PRKAG2: variants seen among roughly 807,000 people sequenced by gnomAD.
The protein encoded by PRKAG2 is 5'-AMP-activated protein kinase subunit gamma-2.
A neutral mutation model predicts 69.6 loss-of-function variants in PRKAG2; 26 were observed. The ratio of observed to expected loss-of-function variants is 0.37; its 90% CI spans 0.27 to 0.52. The LOEUF (loss-of-function observed/expected upper bound fraction) is 0.52. Ranked by LOEUF, PRKAG2 falls within the 20% of genes least tolerant of loss-of-function variation. The pLI is 0.90. For synonymous variants in PRKAG2, 293 were observed against 285.0 expected, an observed-to-expected ratio of 1.03 and a Z score of -0.28; for missense variants, 557 against 740.0, an observed-to-expected ratio of 0.75 and a Z score of 2.87.
At chr7:151,695,478 A>G (rs1475058570) in intron 3 of PRKAG2, among the ~76,000 whole-genome samples, 2 of 152,112 alleles carry the variant, frequency 1.3e-5, no homozygotes, top group African/African-American at 4.8e-5. Context: ...ACTTGTGCAC[A>G]CAAACTTTCT....
chr7:151,862,009 T>G (rs532301179), intron 1 of PRKAG2, among the ~76,000 whole-genome samples: 1 of 151,814 alleles, frequency 6.6e-6, no homozygotes, highest in Non-Finnish European at 1.5e-5. Context: ...GCCCGTCCCC[T>G]CAGTGGACGG....
intron 1 of PRKAG2, among the ~76,000 whole-genome samples, chr7:151,855,691 C>A (rs927925680): frequency 2.0e-5 from 3 of 151,694 alleles, no homozygotes; most frequent in Non-Finnish European, 4.4e-5. Context: ...AGAGAGGCTG[C>A]AGGCAGAGAG....
chr7:151,559,051 T>C, intron 15 of PRKAG2: 2 of 985,444 alleles, frequency 2.0e-6, no homozygotes, highest in South Asian at 4.7e-5. Flanking sequence ...GGTGCCAAGC[T>C]ATATACCTGT....
At chr7:151,670,833 A>T (rs1001570015) in intron 4 of PRKAG2, among the ~76,000 whole-genome samples, 2 of 152,192 alleles carry the variant, frequency 1.3e-5, no homozygotes, top group Non-Finnish European at 2.9e-5. Flanking sequence ...AGTTTTAGGC[A>T]CATAAGTTGC....
rs537291554 is a variant in PRKAG2, at chr7:151,676,055, C to G, written c.467-418G>C. On this transcript the variant is annotated intron_variant, in intron 3 of 15. Coordinates refer to ENST00000287878, the MANE Select transcript of PRKAG2 (RefSeq NM_016203.4). ...TTATCTGGTGAACTTTTACACACAC[C>G]CTCCAGAGGCTATTTTCCTCCATTC... Among the ~76,000 whole-genome samples, 4 of 152,062 alleles carry G rather than the reference C, an allele frequency of 2.6e-5. No individual in the cohort carries two copies. In the East Asian group the frequency reaches 7.7e-4, roughly 29 times the overall value.
chr7:151,768,615 T>C (rs10257872), intron 3 of PRKAG2, among the ~76,000 whole-genome samples: 107,242 of 152,122 alleles, frequency 0.7, 38,338 homozygotes, highest in East Asian at 0.98. Context: ...TACAGGCACA[T>C]GCCATCATAC....
chr7:151,750,916 T>C (rs891713106), intron 3 of PRKAG2, among the ~76,000 whole-genome samples: 4 of 151,668 alleles, frequency 2.6e-5, no homozygotes, highest in Admixed American at 1.3e-4. Flanking sequence ...CTAAATTACA[T>C]ATTATATGCA....
intron 3 of PRKAG2, among the ~76,000 whole-genome samples, chr7:151,713,785 A>C (rs1473958459): frequency 1.3e-5 from 2 of 152,076 alleles, no homozygotes; most frequent in African/African-American, 4.8e-5. Context: ...TATGTTGCCC[A>C]GGCTGGCCTT....
chr7:151,769,412 G>T (rs941652565), intron 3 of PRKAG2, among the ~76,000 whole-genome samples: 1 of 152,210 alleles, frequency 6.6e-6, no homozygotes, highest in South Asian at 2.1e-4. Context: ...TTTGACTGCT[G>T]TCACTTTAAG....
At position 151,786,610 on chromosome 7, in the gene PRKAG2, C is replaced by T. The variant is rs1008014885; in HGVS notation, c.115-69G>A. The T allele has an allele frequency of 5.9e-5, 76 of 1,291,784 alleles. No individual in the cohort carries two copies. In the African/African-American group the frequency reaches 7.7e-4, roughly 13 times the overall value. The allele number at this position is 1,291,784 out of a possible 1,614,324, so 80.0% of individuals were successfully genotyped here. ...GGCCCAGGGGCTGCATGGAACTCTA[C>T]GTGGGTGTCACCTCCCCCTTCCTGA... On this transcript the variant is annotated intron_variant, in intron 1 of 15. Coordinates refer to ENST00000287878, the MANE Select transcript of PRKAG2 (RefSeq NM_016203.4).
chr7:151,684,768 C>G (rs1351678485), intron 3 of PRKAG2, among the ~76,000 whole-genome samples: 1 of 152,146 alleles, frequency 6.6e-6, no homozygotes, highest in Non-Finnish European at 1.5e-5. Flanking sequence ...GCTGAGCCCT[C>G]TCTGACAAGT....
At chr7:151,801,877 C>T (rs1334610349) in intron 1 of PRKAG2, among the ~76,000 whole-genome samples, 1 of 152,166 alleles carries the variant, frequency 6.6e-6, no homozygotes, top group Non-Finnish European at 1.5e-5. Context: ...AAGCCTGCAT[C>T]GCATGTCCTA....
At position 151,873,994 on chromosome 7, in the gene PRKAG2, TATG is replaced by T. The variant is rs1332838427; in HGVS notation, c.114+2510_114+2512del. On this transcript the variant is annotated intron_variant, in intron 1 of 15. Transcript: ENST00000287878. ...TGTATATGATGTATATGTATATGTA[TATG>T]ATGTATATGTATAAGTATATGTATA... Among the ~76,000 whole-genome samples the T allele has an allele frequency of 4.7e-4, 70 of 148,302 alleles. 2 individuals are homozygous for T. The highest frequency in any genetic ancestry group is 1.6e-3 in the African/African-American group (61 of 38,614).
chr7:151,861,268 T>G (rs960570275), intron 1 of PRKAG2, among the ~76,000 whole-genome samples: 1 of 152,172 alleles, frequency 6.6e-6, no homozygotes, highest in Non-Finnish European at 1.5e-5. Context: ...TGGTAGCTCA[T>G]GCCTGTAATC....
chr7:151,873,557 C>G (rs2080269006), intron 1 of PRKAG2, among the ~76,000 whole-genome samples: 1 of 152,204 alleles, frequency 6.6e-6, no homozygotes, highest in Middle Eastern at 3.2e-3. Flanking sequence ...TTGGGCAGAT[C>G]TTCCCCAGAT....
chr7:151,757,097 C>A (rs1040947191), intron 3 of PRKAG2, among the ~76,000 whole-genome samples: 1 of 152,144 alleles, frequency 6.6e-6, no homozygotes, highest in Non-Finnish European at 1.5e-5. Flanking sequence ...CACTGCCTGG[C>A]GTTTGTTCTG....
intron 15 of PRKAG2, chr7:151,559,372 A>G: frequency 1.0e-6 from 1 of 985,472 alleles, no homozygotes; most frequent in South Asian, 4.7e-5. Flanking sequence ...TATAGAGACT[A>G]TTGTGAGATT....
intron 4 of PRKAG2, among the ~76,000 whole-genome samples, chr7:151,651,254 T>C (rs964350704): frequency 3.9e-5 from 6 of 152,212 alleles, no homozygotes; most frequent in African/African-American, 1.4e-4. Flanking sequence ...GAGCCAATAT[T>C]TTCCAGATGA....
intron 1 of PRKAG2, among the ~76,000 whole-genome samples, chr7:151,856,684 C>G (rs2079784624): frequency 6.6e-6 from 1 of 152,200 alleles, no homozygotes; most frequent in Non-Finnish European, 1.5e-5. Context: ...CCGAATATAA[C>G]TCAGTGAATG....
Sources: allele counts gnomAD v4.1 joint callset (sites outside exome capture counted in the v4.1 genomes callset), GRCh38; gene constraint gnomAD v4.1.1; transcripts MANE v1.5; gene names NCBI Gene and HGNC (gene_info 2026-07-23, HGNC 2026-07-21).